Variants in SMARCC2 observed in about 807,000 individuals in gnomAD.
The protein encoded by SMARCC2 is SWI/SNF complex subunit SMARCC2.
Under a neutral mutation model 151.3 loss-of-function variants are expected in SMARCC2, and 15 were observed. The ratio of observed to expected loss-of-function variants is 0.10; its 90% CI spans 0.07 to 0.15. The LOEUF (loss-of-function observed/expected upper bound fraction) is 0.15. Ranked by LOEUF, SMARCC2 falls within the 10% of genes least tolerant of loss-of-function variation. The pLI is 1.00. For synonymous variants in SMARCC2, 590 were observed against 609.5 expected, an observed-to-expected ratio of 0.97 and a Z score of 0.47; for missense variants, 1,031 against 1,599.7, an observed-to-expected ratio of 0.64 and a Z score of 6.06.
chr12:56,177,419 T>A (rs983042499), intron 15 of SMARCC2, among the ~76,000 whole-genome samples: 5 of 152,140 alleles, frequency 3.3e-5, no homozygotes, highest in African/African-American at 1.2e-4. Flanking sequence ...TAATTTTTTT[T>A]CACTTCTTTA....
intron 27 of SMARCC2, among the ~76,000 whole-genome samples, chr12:56,164,941 C>A (rs994846094): frequency 6.6e-6 from 1 of 152,140 alleles, no homozygotes; most frequent in Admixed American, 6.5e-5. Context: ...GTACGCACCA[C>A]CACGCCCAGC....
intron 15 of SMARCC2, among the ~76,000 whole-genome samples, chr12:56,177,009 C>T (rs1054534234): frequency 1.3e-5 from 2 of 151,802 alleles, no homozygotes; most frequent in Non-Finnish European, 2.9e-5. Flanking sequence ...TTAGTAGAGA[C>T]GGGGTTTCTC....
rs1355471170 is a variant in SMARCC2, at chr12:56,171,377, A to G, written c.2241T>C (p.Val747=). The change falls in exon 22 of 29, where the codon GTT becomes GTC. Residue 747 remains valine (V), a synonymous_variant. Transcript: ENST00000550164. This position sits in a 1 kb window ranked among gnomAD's most constrained non-coding sequence, Gnocchi z 4.2. The part of the protein sequence containing the change: ...EVPTALVEAH[V]RKVEEAAKVT... ...CTTTGGCTGCTTCTTCCACTTTTCG[A>G]ACATGGGCCTCCACCAAGGCCGTGG... is the stretch of plus-strand genomic sequence containing the variant. 1 of 1,614,130 alleles carries G rather than the reference A, an allele frequency of 6.2e-7. No individual in the cohort carries two copies. Among genetic ancestry groups the G allele is most frequent in the Admixed American group, 1.7e-5 (1 of 60,016 alleles).
intron 16 of SMARCC2, 109 bp from the exon 17 acceptor site, chr12:56,173,958 C>T (rs957480774): frequency 1.5e-5 from 15 of 968,340 alleles, no homozygotes; most frequent in Admixed American, 4.6e-5. Context: ...CACCCAACCC[C>T]GGCCTTTTCC....
intron 25 of SMARCC2, among the ~76,000 whole-genome samples, chr12:56,169,160 T>C (rs1240181976): frequency 1.3e-5 from 2 of 151,828 alleles, no homozygotes; most frequent in African/African-American, 4.8e-5. Flanking sequence ...CCAGGCGTGG[T>C]GTAGCACGCC....
rs755599404 is a variant in SMARCC2, at chr12:56,184,133, C to A, written c.562+42G>T. 4 of 1,481,938 alleles carry A rather than the reference C, an allele frequency of 2.7e-6. No individual in the cohort carries two copies. The East Asian group carries it at 9.0e-5, about 34-fold the overall frequency. The allele number at this position is 1,481,938 out of a possible 1,614,324, so 91.8% of individuals were successfully genotyped here. A position where few individuals can be genotyped will look rare whatever the true frequency, so the allele number is the denominator to read the frequency against. On this transcript the variant is annotated intron_variant, in intron 6 of 28. Transcript: ENST00000550164. Reference sequence around the variant, plus strand: ...TGATCTTAGTCCTCTGCCTCCTAGTCCAAACCATCCACTCAAGTGGACAGG... The same window carrying A: ...TGATCTTAGTCCTCTGCCTCCTAGTACAAACCATCCACTCAAGTGGACAGG...
chr12:56,188,069 G>C (rs1877604166), intron 1 of SMARCC2, among the ~76,000 whole-genome samples: 1 of 152,126 alleles, frequency 6.6e-6, no homozygotes, highest in African/African-American at 2.4e-5. Context: ...TCATCACAAA[G>C]AAGACAGTGC....
At chr12:56,184,994 G>A (rs1876953601) in intron 4 of SMARCC2, 36 bp downstream of exon 4, 1 of 1,584,578 alleles carries the variant, frequency 6.3e-7, no homozygotes, top group Admixed American at 1.7e-5. Flanking sequence ...GATTCTCACT[G>A]AGGGAAGGGA....
At chr12:56,182,176 T>G in intron 7 of SMARCC2, 97 bp from the exon 8 acceptor site, 2 of 784,978 alleles carry the variant, frequency 2.5e-6, no homozygotes. Flanking sequence ...CAGAAAGTAT[T>G]GGGTTCTTGG....
intron 28 of SMARCC2, 41 bp downstream of exon 28, chr12:56,164,261 AC>A: frequency 1.1e-5 from 18 of 1,579,822 alleles, no homozygotes; most frequent in Non-Finnish European, 1.6e-5. Flanking sequence ...CTCCAGGTGG[AC>A]CCCTCTCCCT....
chr12:56,185,824 A>G (rs1877140966), intron 3 of SMARCC2: 2 of 289,520 alleles, frequency 6.9e-6, no homozygotes, highest in Non-Finnish European at 1.3e-5. Context: ...GCTCACAGCT[A>G]TTGCCAAACA....
intron 11 of SMARCC2, among the ~76,000 whole-genome samples, chr12:56,179,800 C>A (rs1875771891): frequency 6.6e-6 from 1 of 152,106 alleles, no homozygotes; most frequent in Non-Finnish European, 1.5e-5. Flanking sequence ...GATTCTCCTG[C>A]CTCAGCCTCC....
At chr12:56,188,394 C>T (rs998773893) in intron 1 of SMARCC2, among the ~76,000 whole-genome samples, 3 of 152,100 alleles carry the variant, frequency 2.0e-5, no homozygotes, top group African/African-American at 2.4e-5. Context: ...ACACTTCTGA[C>T]GAGCTGCAAA....
chr12:56,164,764 G>A (rs1872475111), intron 27 of SMARCC2, 33 bp from the exon 28 acceptor site: 1 of 1,518,558 alleles, frequency 6.6e-7, no homozygotes, highest in Non-Finnish European at 8.9e-7. Context: ...GAGAAAATTA[G>A]GTATAAAATT....
rs1209614493 is a variant in SMARCC2, at chr12:56,170,726, T to C, written c.2348-518A>G. On this transcript the variant is annotated intron_variant, in intron 22 of 28. Transcript: ENST00000550164. ...CACTGCACCCAGCCTTCACAAGACT[T>C]TTTTTTTTTTTTTTTTTTTTTTGAG... 7.4e-4 allele frequency among the ~76,000 whole-genome samples: 84 copies of C among 113,296 alleles called. 1 individual carries two copies. Among genetic ancestry groups the C allele is most frequent in the African/African-American group, 2.0e-3 (59 of 29,190 alleles). The allele number at this position is 113,296 out of a possible 152,430, so 74.3% of individuals were successfully genotyped here.
intron 3 of SMARCC2, 66 bp from the exon 4 acceptor site, chr12:56,185,177 G>T: frequency 7.5e-7 from 1 of 1,331,506 alleles, no homozygotes; most frequent in Non-Finnish European, 1.1e-6. Context: ...GAGGGCACGT[G>T]ACTTTTTTGT....
chr12:56,177,553 C>T lies in SMARCC2; in HGVS notation c.1382+469G>A, dbSNP rs78907773. Among the ~76,000 whole-genome samples the T allele has an allele frequency of 1.4e-4, 21 of 152,314 alleles. No individual in the cohort carries two copies. In the East Asian group the frequency reaches 3.7e-3, roughly 27 times the overall value. ...GTCGTGAGCCACCGTGGCTCCTACA[C>T]TTCTTTCCCAGTGAGCCCTCTCCAT... On this transcript the variant is annotated intron_variant, in intron 15 of 28. Coordinates refer to ENST00000550164, the MANE Select transcript of SMARCC2 (RefSeq NM_001330288.2).
At chr12:56,173,626 C>A in intron 17 of SMARCC2, 70 bp downstream of exon 17, 1 of 1,415,888 alleles carries the variant, frequency 7.1e-7, no homozygotes, top group East Asian at 2.3e-5. Flanking sequence ...ACCCTAAAAA[C>A]CAGAAAAAGA....
In SMARCC2 at chr12:56,162,695, C is replaced by G. The variant is rs1206759089; in HGVS notation, c.*994G>C. 1 of 203,650 alleles carries G rather than the reference C, an allele frequency of 4.9e-6. No homozygotes were observed. The highest frequency in any genetic ancestry group is 2.3e-5 in the African/African-American group (1 of 42,986). The allele number at this position is 203,650 out of a possible 1,614,324, so 12.6% of individuals were successfully genotyped here. On this transcript the variant is annotated 3_prime_UTR_variant, in exon 29 of 29. Coordinates refer to ENST00000550164, the MANE Select transcript of SMARCC2 (RefSeq NM_001330288.2). Reference sequence around the variant, plus strand: ...CCCTGCATCCTCATCTGGGGAGCCCCCAGCTATCAGCTGAAGTTCTCATAG... The same window carrying G: ...CCCTGCATCCTCATCTGGGGAGCCCGCAGCTATCAGCTGAAGTTCTCATAG...
Sources: gnomAD v4.1 joint callset for allele counts (sites outside exome capture counted in the v4.1 genomes callset) on GRCh38, gnomAD v4.1.1 for gene constraint, Gnocchi (gnomAD v3.1) non-coding constraint, MANE v1.5 for transcripts, NCBI Gene and HGNC (gene_info 2026-07-23, HGNC 2026-07-21) for gene names.